Variants in BICC1 observed in about 807,000 individuals in gnomAD.
BICC1 encodes protein bicaudal C homolog 1.
BICC1 carries 43 observed loss-of-function variants against 111.0 expected under a neutral mutation model. The ratio of observed to expected loss-of-function variants is 0.39; its 90% CI spans 0.30 to 0.50. BICC1 has a LOEUF of 0.50. Among genes scored for constraint, BICC1 ranks in the 20% least tolerant of loss-of-function variants. The pLI, the probability that BICC1 is intolerant of heterozygous loss-of-function variation, is 0.88. For synonymous variants in BICC1, 467 were observed against 434.4 expected, an observed-to-expected ratio of 1.07 and a Z score of -0.93; for missense variants, 1,091 against 1,203.2, an observed-to-expected ratio of 0.91 and a Z score of 1.38.
At chr10:58,609,961 A>T (rs192045259) in intron 1 of BICC1, among the ~76,000 whole-genome samples, 85 of 152,338 alleles carry the variant, frequency 5.6e-4, no homozygotes, top group Non-Finnish European at 2.9e-5. Context: ...ATATAAGAAG[A>T]AATAGTGTCT....
chr10:58,551,493 G>T (rs1177942795), intron 1 of BICC1, among the ~76,000 whole-genome samples: 2 of 152,084 alleles, frequency 1.3e-5, no homozygotes, highest in Non-Finnish European at 2.9e-5. Flanking sequence ...TGTGTGTGTG[G>T]TGAACACATT....
At chr10:58,774,664 C>T (rs1842702935) in intron 3 of BICC1, among the ~76,000 whole-genome samples, 1 of 152,114 alleles carries the variant, frequency 6.6e-6, no homozygotes, top group Admixed American at 6.5e-5. Flanking sequence ...TGTGATCCTT[C>T]ATTGATATTT....
At chr10:58,636,686 A>G (rs970947638) in intron 2 of BICC1, among the ~76,000 whole-genome samples, 2 of 152,212 alleles carry the variant, frequency 1.3e-5, no homozygotes, top group Non-Finnish European at 1.5e-5. Context: ...TGTTAATACT[A>G]TGAAGAATAC....
Position 58,555,544 on chromosome 10 carries a change from T to G in BICC1, c.190+42211T>G, listed in dbSNP as rs559648949. ...ATGAGGTTCTCTATGTGAAGTCAGT[T>G]AATTTTCAATGAGCAGATCAGCGTT... On this transcript the variant is annotated intron_variant, in intron 1 of 20. Transcript: ENST00000373886. Among the ~76,000 whole-genome samples, 3 of 152,226 alleles carry G rather than the reference T, an allele frequency of 2.0e-5. 1 individual carries two copies. The South Asian group carries it at 6.2e-4, about 32-fold the overall frequency.
At chr10:58,747,550 T>G (rs1331132295) in intron 3 of BICC1, among the ~76,000 whole-genome samples, 1 of 152,164 alleles carries the variant, frequency 6.6e-6, no homozygotes, top group East Asian at 1.9e-4. Flanking sequence ...ATGTATATGA[T>G]GTGGAATGAT....
chr10:58,552,625 T>G (rs1401282693), intron 1 of BICC1, among the ~76,000 whole-genome samples: 1 of 152,114 alleles, frequency 6.6e-6, no homozygotes, highest in East Asian at 1.9e-4. Context: ...TATTCTTATT[T>G]CTTAAACACA....
chr10:58,716,505 A>G (rs546084231), intron 3 of BICC1, among the ~76,000 whole-genome samples: 1 of 152,288 alleles, frequency 6.6e-6, no homozygotes, highest in Non-Finnish European at 1.5e-5. Flanking sequence ...AGTGCTTGAT[A>G]ACTCTGGGAG....
At chr10:58,754,923 G>C (rs1347783707) in intron 3 of BICC1, among the ~76,000 whole-genome samples, 1 of 152,168 alleles carries the variant, frequency 6.6e-6, no homozygotes, top group Non-Finnish European at 1.5e-5. Flanking sequence ...TATAGATCAA[G>C]ATTGCGAGTG....
intron 2 of BICC1, among the ~76,000 whole-genome samples, chr10:58,635,803 A>G (rs977666993): frequency 3.4e-4 from 52 of 152,202 alleles, no homozygotes; most frequent in African/African-American, 1.1e-3. Context: ...ACAGCGATAC[A>G]TAAAAATATA....
chr10:58,672,438 C>T (rs1163968155), intron 2 of BICC1, among the ~76,000 whole-genome samples: 1 of 152,150 alleles, frequency 6.6e-6, no homozygotes, highest in Non-Finnish European at 1.5e-5. Flanking sequence ...GCTAATCTCC[C>T]TGGCATGTTT....
chr10:58,660,011 C>G (rs1042132096), intron 2 of BICC1, among the ~76,000 whole-genome samples: 7 of 152,138 alleles, frequency 4.6e-5, no homozygotes, highest in African/African-American at 1.7e-4. Context: ...TGAGAGTTCT[C>G]TCTGAATTGC....
chr10:58,615,842 C>T (rs186886482), intron 1 of BICC1, among the ~76,000 whole-genome samples: 4 of 152,256 alleles, frequency 2.6e-5, no homozygotes, highest in Middle Eastern at 3.4e-3. Flanking sequence ...GGCAGTAAAT[C>T]GGTCCCCCAC....
rs917232261 is a variant in BICC1, at chr10:58,616,839, C to T, written c.191-4016C>T. ...TTGCTGCAGGGCTATGTGCATAGCC[C>T]CACCATATGTCATGGTCTTGTTAAT... On this transcript the variant is annotated intron_variant, in intron 1 of 20. Transcript: ENST00000373886. Among the ~76,000 whole-genome samples the T allele has an allele frequency of 6.6e-5, 10 of 152,306 alleles. No homozygotes were observed. In the East Asian group the frequency reaches 1.4e-3, roughly 21 times the overall value.
chr10:58,624,149 C>T (rs991373441), intron 2 of BICC1, among the ~76,000 whole-genome samples: 3 of 152,094 alleles, frequency 2.0e-5, no homozygotes, highest in Non-Finnish European at 2.9e-5. Context: ...GGAAGCAACA[C>T]GTGGATCTCT....
At chr10:58,532,904 A>G (rs1658468) in intron 1 of BICC1, among the ~76,000 whole-genome samples, 69,721 of 151,606 alleles carry the variant, frequency 0.46, 17,089 homozygotes, top group Admixed American at 0.62. Flanking sequence ...TGCCAGTACA[A>G]TCCTGAAGAC....
intron 1 of BICC1, among the ~76,000 whole-genome samples, chr10:58,526,746 A>G (rs531474428): frequency 1.3e-5 from 2 of 152,190 alleles, no homozygotes; most frequent in African/African-American, 4.8e-5. Context: ...TGCCCTACCA[A>G]GGACATGAAC....
chr10:58,663,040 A>G (rs2132295299), intron 2 of BICC1, among the ~76,000 whole-genome samples: 1 of 145,914 alleles, frequency 6.9e-6, no homozygotes, highest in South Asian at 2.2e-4. Flanking sequence ...TGAACATCCA[A>G]TTTTTTTCTT....
chr10:58,527,572 T>C (rs370714019), intron 1 of BICC1, among the ~76,000 whole-genome samples: 2 of 152,346 alleles, frequency 1.3e-5, no homozygotes, highest in East Asian at 3.9e-4. Context: ...CATTTAAGTC[T>C]TTAATCCATC....
intron 1 of BICC1, among the ~76,000 whole-genome samples, chr10:58,562,904 G>T (rs1843648951): frequency 6.6e-6 from 1 of 152,186 alleles, no homozygotes; most frequent in Admixed American, 6.5e-5. Flanking sequence ...TGGGCTGTGG[G>T]TGTTTCTGTA....
Sources: gnomAD v4.1 joint callset for allele counts (sites outside exome capture counted in the v4.1 genomes callset) on GRCh38, gnomAD v4.1.1 for gene constraint, MANE v1.5 for transcripts, NCBI Gene and HGNC (gene_info 2026-07-23, HGNC 2026-07-21) for gene names.